Variants in N4BP1 observed in about 807,000 individuals in gnomAD.
N4BP1 encodes NEDD4-binding protein 1.
In N4BP1, 21 loss-of-function variants were observed where a neutral mutation model predicts 70.9. The observed-to-expected ratio is 0.30, with a 90% CI of 0.21 to 0.43. The LOEUF (loss-of-function observed/expected upper bound fraction) is 0.43, where lower values mean the gene tolerates loss of function less well. N4BP1 is among the 20% of genes least tolerant of loss of function. The pLI is 1.00. For missense variants in N4BP1, 936 were observed against 1,069.4 expected (o/e 0.88, Z 1.74); for synonymous variants, 387 against 394.6 (o/e 0.98, Z 0.23).
chr16:48,563,180 T>A (rs1357887582), intron 1 of N4BP1, among the ~76,000 whole-genome samples: 1 of 151,750 alleles, frequency 6.6e-6, no homozygotes, highest in Admixed American at 6.6e-5. Context: ...CTGGGCAACA[T>A]GGTGAAACCC....
intron 1 of N4BP1, among the ~76,000 whole-genome samples, chr16:48,574,887 T>G (rs1277069354): frequency 1.3e-5 from 2 of 152,190 alleles, no homozygotes. Flanking sequence ...CTGGGTCTCC[T>G]GTGCTGGAAG....
intron 1 of N4BP1, among the ~76,000 whole-genome samples, chr16:48,567,669 C>G (rs1269491630): frequency 6.6e-6 from 1 of 152,124 alleles, no homozygotes; most frequent in African/African-American, 2.4e-5. Flanking sequence ...AGTGGTGATG[C>G]CACTGATTAC....
At chr16:48,572,968 C>T (rs1438684575) in intron 1 of N4BP1, among the ~76,000 whole-genome samples, 15 of 151,290 alleles carry the variant, frequency 9.9e-5, no homozygotes. Flanking sequence ...AAAAATTAGC[C>T]GAGCATGGTG....
intron 1 of N4BP1, among the ~76,000 whole-genome samples, chr16:48,571,112 G>C (rs1411994466): frequency 6.6e-6 from 1 of 152,206 alleles, no homozygotes; most frequent in African/African-American, 2.4e-5. Flanking sequence ...ATCTTATCCA[G>C]AACTGGAAAC....
chr16:48,549,635 C>T (rs147153749), intron 4 of N4BP1, among the ~76,000 whole-genome samples: 5 of 152,298 alleles, frequency 3.3e-5, no homozygotes, highest in South Asian at 2.1e-4. Flanking sequence ...TATCCTCTTT[C>T]GGCTCTTCCA....
chr16:48,572,834 C>A lies in N4BP1; in HGVS notation c.199-10390G>T, dbSNP rs546258096. Among the ~76,000 whole-genome samples, 3 of 152,182 alleles carry A rather than the reference C, an allele frequency of 2.0e-5. No homozygotes were observed. The East Asian group carries it at 5.8e-4, about 29-fold the overall frequency. On this transcript the variant is annotated intron_variant, in intron 1 of 6. Coordinates refer to ENST00000262384, the MANE Select transcript of N4BP1 (RefSeq NM_153029.4). ...CAAGTGGATGAAAACAGGGCAGATA[C>A]AAATTTCAGGAAAGGCTTGGGCGTG...
At chr16:48,605,393 T>TC (rs1190499266) in intron 1 of N4BP1, among the ~76,000 whole-genome samples, 4 of 152,092 alleles carry the variant, frequency 2.6e-5, no homozygotes, top group Non-Finnish European at 5.9e-5. Flanking sequence ...CTCATCCCTT[T>TC]CCACCACTGC....
chr16:48,580,825 T>C (rs1260977361), intron 1 of N4BP1, among the ~76,000 whole-genome samples: 3 of 152,184 alleles, frequency 2.0e-5, no homozygotes, highest in African/African-American at 7.2e-5. Context: ...AAGAATACAA[T>C]ATAACTATTT....
chr16:48,584,856 G>A (rs1964221154), intron 1 of N4BP1, among the ~76,000 whole-genome samples: 1 of 152,120 alleles, frequency 6.6e-6, no homozygotes, highest in South Asian at 2.1e-4. Flanking sequence ...ACGCAAATCA[G>A]TATTATTTTA....
At chr16:48,594,660 T>C (rs1156472118) in intron 1 of N4BP1, among the ~76,000 whole-genome samples, 1 of 152,186 alleles carries the variant, frequency 6.6e-6, no homozygotes, top group Non-Finnish European at 1.5e-5. Flanking sequence ...CCGTCTGATA[T>C]CCAGTGTTTT....
intron 4 of N4BP1, among the ~76,000 whole-genome samples, chr16:48,548,928 T>C (rs1963628257): frequency 6.6e-6 from 1 of 151,748 alleles, no homozygotes; most frequent in Non-Finnish European, 1.5e-5. Context: ...GACTAAGTTA[T>C]AGATTCACTC....
Position 48,540,779 on chromosome 16 carries a change from GC to G in N4BP1, c.*2124del, listed in dbSNP as rs1314876262. The G allele has an allele frequency of 6.6e-6, 1 of 152,270 alleles. No homozygotes were observed. Among genetic ancestry groups the G allele is most frequent in the Non-Finnish European group, 1.5e-5 (1 of 68,070 alleles). The allele number at this position is 152,270 out of a possible 1,614,324, so 9.4% of individuals were successfully genotyped here. ...ACAGGCTACAGATACTTATGCAGCA[GC>G]CACACTGAGGCTAGTACTGGAGGAG... is the stretch of plus-strand genomic sequence containing the variant. On this transcript the variant is annotated 3_prime_UTR_variant, in exon 7 of 7. Transcript: ENST00000262384.
Position 48,575,660 on chromosome 16 carries a change from C to T in N4BP1, c.199-13216G>A, listed in dbSNP as rs547717176. Among the ~76,000 whole-genome samples, 9 of 152,308 alleles carry T rather than the reference C, an allele frequency of 5.9e-5. No individual in the cohort carries two copies. The South Asian group carries it at 1.7e-3, about 28-fold the overall frequency. On this transcript the variant is annotated intron_variant, in intron 1 of 6. Coordinates refer to ENST00000262384, the MANE Select transcript of N4BP1 (RefSeq NM_153029.4). ...AGTATTGGCATACACTAAAGGGGCTCGGCCAGCTTCACCCAGGCTGCATAT... is the reference window on the plus strand; with the variant it reads ...AGTATTGGCATACACTAAAGGGGCTTGGCCAGCTTCACCCAGGCTGCATAT...
At chr16:48,595,244 T>C (rs1158586729) in intron 1 of N4BP1, among the ~76,000 whole-genome samples, 7 of 151,982 alleles carry the variant, frequency 4.6e-5, no homozygotes, top group African/African-American at 1.7e-4. Context: ...GGTGGATCAT[T>C]TGAGGCCAGG....
At chr16:48,604,790 C>T (rs1964554056) in intron 1 of N4BP1, among the ~76,000 whole-genome samples, 1 of 152,034 alleles carries the variant, frequency 6.6e-6, no homozygotes, top group African/African-American at 2.4e-5. Flanking sequence ...CACTTAAATA[C>T]AATATTTTAT....
In N4BP1 at chr16:48,543,189, G is replaced by A. The variant is rs1963533054; in HGVS notation, c.2406C>T (p.Thr802=). ...GCTGGTGGCTGGTGCTGGCTGCCTG[G>A]GTGCCAGGGACTCTGAAGCTGGGGT... ...MFDPSFRVPG[T]QAASTSHQPP... The change falls in exon 7 of 7, where the codon ACC becomes ACT. Residue 802 remains threonine (T), a synonymous_variant. Coordinates refer to ENST00000262384, the MANE Select transcript of N4BP1 (RefSeq NM_153029.4). 6.3e-7 allele frequency: 1 copy of A among 1,587,778 alleles called. No homozygotes were observed. Among genetic ancestry groups the A allele is most frequent in the Non-Finnish European group, 8.6e-7 (1 of 1,163,936 alleles).
intron 1 of N4BP1, among the ~76,000 whole-genome samples, chr16:48,592,295 T>A (rs776321938): frequency 1.3e-5 from 2 of 152,204 alleles, no homozygotes; most frequent in Non-Finnish European, 2.9e-5. Context: ...AAATGCATGG[T>A]AAAAGCATTG....
intron 1 of N4BP1, among the ~76,000 whole-genome samples, chr16:48,603,166 GT>G (rs1964529245): frequency 6.6e-6 from 1 of 151,872 alleles, no homozygotes; most frequent in South Asian, 2.1e-4. Context: ...AAATACATAA[GT>G]AAAAACTGGG....
chr16:48,574,254 A>C (rs539953115), intron 1 of N4BP1, among the ~76,000 whole-genome samples: 33 of 152,314 alleles, frequency 2.2e-4, no homozygotes, highest in African/African-American at 7.7e-4. Context: ...CTTTTAATAA[A>C]AAAATTTTCA....
Sources: allele counts gnomAD v4.1 joint callset (sites outside exome capture counted in the v4.1 genomes callset), GRCh38; gene constraint gnomAD v4.1.1; transcripts MANE v1.5; gene names NCBI Gene and HGNC (gene_info 2026-07-23, HGNC 2026-07-21).